The following FAP variants were observed in gnomAD, a reference collection of about 807,000 sequenced individuals.
FAP encodes prolyl endopeptidase FAP.
A neutral mutation model predicts 126.5 loss-of-function variants in FAP; 110 were observed. That is an observed-to-expected ratio of 0.87 (90% CI 0.74 to 1.02). The LOEUF is 1.02. Among genes scored for constraint, FAP ranks in the 50% least tolerant of loss-of-function variants. The pLI is 0.00. For missense variants in FAP, 919 were observed against 909.2 expected, an observed-to-expected ratio of 1.01 and a Z score of -0.14; for synonymous variants, 334 against 297.3, an observed-to-expected ratio of 1.12 and a Z score of -1.27.
chr2:162,180,460 T>C (rs1687657960), intron 21 of FAP, among the ~76,000 whole-genome samples: 1 of 152,134 alleles, frequency 6.6e-6, no homozygotes, highest in Non-Finnish European at 1.5e-5. Flanking sequence ...AAGCACAGAC[T>C]CAGAATCTCT....
intron 20 of FAP, among the ~76,000 whole-genome samples, chr2:162,185,432 G>A (rs1687833570): frequency 6.6e-6 from 1 of 152,034 alleles, no homozygotes; most frequent in African/African-American, 2.4e-5. Flanking sequence ...TACTCCAAAT[G>A]AGCAAAGTTG....
chr2:162,228,752 C>T (rs1163849903), intron 2 of FAP, among the ~76,000 whole-genome samples: 2 of 152,074 alleles, frequency 1.3e-5, no homozygotes, highest in African/African-American at 2.4e-5. Context: ...TTTTGTAATT[C>T]TCATTCAGTG....
rs1687280461 is a variant in FAP at position 162,170,900 on chromosome 2, AAAAAT to A, written c.*74_*78del. On this transcript the variant is annotated 3_prime_UTR_variant, in exon 26 of 26. Coordinates refer to ENST00000188790, the MANE Select transcript of FAP (RefSeq NM_004460.5). ...GTTTATACTAGCATTTTACAACATA[AAAAAT>A]AAAATAAGCAAACTGTCTGAGGGGT... 9.2e-7 allele frequency: 1 copy of A among 1,087,108 alleles called. No individual in the cohort carries two copies. 67.3% of individuals were successfully genotyped at this position (1,087,108 alleles called of 1,614,324 possible). A position where few individuals can be genotyped will look rare whatever the true frequency, so the allele number is the denominator to read the frequency against.
chr2:162,187,481 G>T (rs972609561), intron 20 of FAP, among the ~76,000 whole-genome samples: 1 of 151,970 alleles, frequency 6.6e-6, no homozygotes, highest in South Asian at 2.1e-4. Flanking sequence ...AGAATTATTT[G>T]CACAGTGTTT....
At chr2:162,216,424 A>G (rs2106270895) in intron 9 of FAP, among the ~76,000 whole-genome samples, 1 of 152,268 alleles carries the variant, frequency 6.6e-6, no homozygotes, top group East Asian at 1.9e-4. Context: ...AAATAAATGA[A>G]AGACACTTTT....
At chr2:162,173,911 T>C in intron 22 of FAP, 124 bp from the exon 23 acceptor site, 1 of 701,686 alleles carries the variant, frequency 1.4e-6, no homozygotes. Context: ...AGGTAAATTC[T>C]TGCTTTACTT....
chr2:162,240,019 A>C (rs1347612639), intron 2 of FAP, among the ~76,000 whole-genome samples: 1 of 152,180 alleles, frequency 6.6e-6, no homozygotes, highest in Non-Finnish European at 1.5e-5. Context: ...AGGGGAAGTC[A>C]AGGAGCTTAG....
rs1689279975 is a variant in FAP, at chr2:162,219,130, A to G, written c.540T>C (p.Pro180=). The G allele has an allele frequency of 1.9e-6, 3 of 1,606,436 alleles. No homozygotes were observed. In the African/African-American group the frequency reaches 4.0e-5, roughly 21 times the overall value. Residue 180 remains proline (P), a synonymous_variant, in exon 8 of 26, where the codon CCT becomes CCC. Coordinates refer to ENST00000188790, the MANE Select transcript of FAP (RefSeq NM_004460.5). ...IYLKQRPGDP[P]FQITFNGREN... ...CTCTTCCATTAAATGTTATTTGAAA[A>G]GGTGGATCTCCTGGTCTTTGTTTCA...
chr2:162,219,747 G>C, intron 7 of FAP, 106 bp downstream of exon 7: 1 of 775,812 alleles, frequency 1.3e-6, no homozygotes, highest in Non-Finnish European at 2.2e-6. Context: ...AAATAGTCAT[G>C]AATGTATTTT....
At chr2:162,174,770 T>C in intron 22 of FAP, 97 bp downstream of exon 22, 1 of 742,294 alleles carries the variant, frequency 1.3e-6, no homozygotes, top group East Asian at 2.7e-5. Context: ...GATGCTGGGG[T>C]GAATTTTACT....
At chr2:162,182,353 A>T (rs1022644683) in intron 21 of FAP, among the ~76,000 whole-genome samples, 6 of 152,342 alleles carry the variant, frequency 3.9e-5, no homozygotes, top group Non-Finnish European at 8.8e-5. Context: ...GAAACTTTAT[A>T]AAAATGGATG....
At position 162,183,428 on chromosome 2, in the gene FAP, C is replaced by G; in HGVS notation, c.1855G>C (p.Ala619Pro). Residue 619 changes from alanine (A) to proline (P), a missense_variant, in exon 21 of 26, where the codon GCC becomes CCC. Transcript: ENST00000188790. ...EMGFIDEKRI[A>P]IWGWSYGGYV... ...AAACAACTCACCCAGCCCCATATGG[C>G]TATTCTTTTTTCATCAATGAAACCC... The G allele has an allele frequency of 6.2e-7, 1 of 1,609,416 alleles. No individual in the cohort carries two copies. Among genetic ancestry groups the G allele is most frequent in the Non-Finnish European group, 8.5e-7 (1 of 1,177,264 alleles).
chr2:162,232,269 C>T (rs553652332), intron 2 of FAP, among the ~76,000 whole-genome samples: 56 of 152,142 alleles, frequency 3.7e-4, no homozygotes, highest in Admixed American at 7.2e-4. Context: ...TCACAGCAGC[C>T]ATCTGAGGTA....
chr2:162,217,973 G>C lies in FAP; in HGVS notation c.762+13C>G. The C allele has an allele frequency of 6.4e-7, 1 of 1,550,770 alleles. No homozygotes were observed. Among genetic ancestry groups the C allele is most frequent in the East Asian group, 2.3e-5 (1 of 42,608 alleles). ...CAGGAAAATGAAAGCATCGCTGAAA[G>C]TATTCAACATACCTTTGGGTATGGA... On this transcript the variant is annotated intron_variant, in intron 9 of 25. Coordinates refer to ENST00000188790, the MANE Select transcript of FAP (RefSeq NM_004460.5).
At chr2:162,236,947 C>T (rs1159542097) in intron 2 of FAP, among the ~76,000 whole-genome samples, 1 of 152,080 alleles carries the variant, frequency 6.6e-6, no homozygotes, top group Non-Finnish European at 1.5e-5. Flanking sequence ...CTTAAAAGGT[C>T]CTAACATCTG....
chr2:162,232,924 C>T (rs1405078495), intron 2 of FAP, among the ~76,000 whole-genome samples: 1 of 152,164 alleles, frequency 6.6e-6, no homozygotes, highest in African/African-American at 2.4e-5. Flanking sequence ...TTTGCCAGCT[C>T]ATTTTCCTCT....
intron 15 of FAP, among the ~76,000 whole-genome samples, chr2:162,199,420 C>G (rs1688401365): frequency 6.6e-6 from 1 of 152,214 alleles, no homozygotes; most frequent in African/African-American, 2.4e-5. Context: ...CTCATGGAAG[C>G]TCAGGCTGGG....
intron 9 of FAP, among the ~76,000 whole-genome samples, chr2:162,216,581 G>C (rs536355021): frequency 3.9e-5 from 6 of 152,076 alleles, no homozygotes; most frequent in Non-Finnish European, 8.8e-5. Context: ...TTCTTGTTTT[G>C]TGCTTTCTAT....
intron 16 of FAP, among the ~76,000 whole-genome samples, chr2:162,195,894 T>C (rs1321623085): frequency 6.6e-6 from 1 of 152,126 alleles, no homozygotes; most frequent in Non-Finnish European, 1.5e-5. Context: ...TGCTACCTTC[T>C]ATGTGGAGGG....
Sources: allele counts gnomAD v4.1 joint callset (sites outside exome capture counted in the v4.1 genomes callset), GRCh38; gene constraint gnomAD v4.1.1; transcripts MANE v1.5; gene names NCBI Gene and HGNC (gene_info 2026-07-23, HGNC 2026-07-21).